The following SLC12A4 variants were observed in gnomAD, a reference collection of about 807,000 sequenced individuals.
SLC12A4 encodes solute carrier family 12 member 4.
Under a neutral mutation model 119.2 loss-of-function variants are expected in SLC12A4, and 84 were observed. The ratio of observed to expected loss-of-function variants is 0.70; its 90% CI spans 0.59 to 0.85. The LOEUF is 0.85. Ranked by LOEUF, SLC12A4 falls within the 40% of genes least tolerant of loss-of-function variation. SLC12A4 has a pLI of 0.00. For missense variants in SLC12A4, 1,298 were observed against 1,476.3 expected (o/e 0.88, Z 1.98); for synonymous variants, 599 against 604.6 (o/e 0.99, Z 0.14).
In SLC12A4 at chr16:67,946,705, T is replaced by C; in HGVS notation, c.2242-72A>G. ...CCTCTGGGCTCCCTCCCAAGGCCCC[T>C]CGGGAACAAAACGACTTTTGGGTGG... is the stretch of plus-strand genomic sequence containing the variant. On this transcript the variant is annotated intron_variant, in intron 17 of 23. Coordinates refer to ENST00000316341, the MANE Select transcript of SLC12A4 (RefSeq NM_005072.5). 6 of 1,523,448 alleles carry C rather than the reference T, an allele frequency of 3.9e-6. No individual in the cohort carries two copies. In the East Asian group the frequency reaches 1.1e-4, roughly 29 times the overall value. The allele number at this position is 1,523,448 out of a possible 1,614,324, so 94.4% of individuals were successfully genotyped here.
intron 5 of SLC12A4, chr16:67,957,513 C>CTT: frequency 1.8e-6 from 1 of 562,922 alleles, no homozygotes. Flanking sequence ...ATACATTGCC[C>CTT]TTTTTTTTTC....
At chr16:67,961,340 G>A (rs2030550981) in intron 3 of SLC12A4, among the ~76,000 whole-genome samples, 1 of 152,312 alleles carries the variant, frequency 6.6e-6, no homozygotes, top group Admixed American at 6.5e-5. Context: ...AGGCAGCTGT[G>A]TCTCCTGCTG....
chr16:67,966,547 G>A (rs72790376), intron 1 of SLC12A4, among the ~76,000 whole-genome samples: 4 of 152,358 alleles, frequency 2.6e-5, no homozygotes, highest in Non-Finnish European at 5.9e-5. Flanking sequence ...CTGTGTACAC[G>A]GACATCTGCC....
chr16:67,948,115 A>C lies in SLC12A4; in HGVS notation c.1793T>G (p.Val598Gly), dbSNP rs1334137035. Reference sequence around the variant, plus strand: ...GTTGGGGGTCCTCAGGAGTGTCTGCACCGCACAGGCGAGGTTCACGAACAG... The same window carrying C: ...GTTGGGGGTCCTCAGGAGTGTCTGCCCCGCACAGGCGAGGTTCACGAACAG... ...CYLFVNLACA[V>G]QTLLRTPNWR... The change falls in exon 14 of 24, where the codon GTG (valine) becomes GGG (glycine). Residue 598 changes from valine to glycine, a missense_variant. Coordinates refer to ENST00000316341, the MANE Select transcript of SLC12A4 (RefSeq NM_005072.5). 4 of 1,613,232 alleles carry C rather than the reference A, an allele frequency of 2.5e-6. No homozygotes were observed.
chr16:67,945,688 C>A, intron 21 of SLC12A4, 76 bp downstream of exon 21: 1 of 1,516,034 alleles, frequency 6.6e-7, no homozygotes. Flanking sequence ...ATTCTGATTC[C>A]TCCGCACCCA....
At chr16:67,953,250 G>A (rs2030043655) in intron 6 of SLC12A4, among the ~76,000 whole-genome samples, 1 of 137,514 alleles carries the variant, frequency 7.3e-6, no homozygotes, top group African/African-American at 2.7e-5. Flanking sequence ...AGCTGGGCGT[G>A]GTGGCATGAG....
At chr16:67,957,523 CT>C in intron 5 of SLC12A4, 3 of 572,104 alleles carry the variant, frequency 5.2e-6, no homozygotes. Flanking sequence ...CTTTTTTTTT[CT>C]TTTTTGGTAT....
At chr16:67,957,850 C>T in intron 4 of SLC12A4, 48 bp downstream of exon 4, 1 of 1,614,056 alleles carries the variant, frequency 6.2e-7, no homozygotes, top group Non-Finnish European at 8.5e-7. Flanking sequence ...TCTGTGGGGG[C>T]AGCCGTGGCC....
chr16:67,947,342 G>A lies in SLC12A4; in HGVS notation c.2061C>T (p.Thr687=). The A allele has an allele frequency of 1.9e-6, 3 of 1,612,030 alleles. No individual in the cohort carries two copies. Among genetic ancestry groups the A allele is most frequent in the Non-Finnish European group, 2.5e-6 (3 of 1,179,548 alleles). The change falls in exon 16 of 24, where the codon ACC becomes ACT. Residue 687 remains threonine (T), a synonymous_variant. Transcript: ENST00000316341. ...TGGCGGGAACTCACCGCCAGTTCTT[G>A]GTGTGAGGAGGCCCCTCCTCCAGCC... The part of the protein sequence containing the change: ...LLRLEEGPPH[T]KNWRPQLLVL...
At chr16:67,955,777 G>A (rs1355945180) in intron 5 of SLC12A4, among the ~76,000 whole-genome samples, 1 of 152,022 alleles carries the variant, frequency 6.6e-6, no homozygotes, top group African/African-American at 2.4e-5. Context: ...TACTCAGGAG[G>A]CTGAGGCAGG....
chr16:67,951,386 G>T lies in SLC12A4; in HGVS notation c.1133-82C>A. 1 of 1,497,090 alleles carries T rather than the reference G, an allele frequency of 6.7e-7. No homozygotes were observed. The highest frequency in any genetic ancestry group is 9.0e-7 in the Non-Finnish European group (1 of 1,109,978). 92.7% of individuals were successfully genotyped at this position (1,497,090 alleles called of 1,614,324 possible). ...GGGCAGCCTAGCCAGAGGCGCAGAT[G>T]CAGGGCAACTTTGGGGACTCAGGGA... On this transcript the variant is annotated intron_variant, in intron 8 of 23. Transcript: ENST00000316341. The surrounding 1 kb of genome is among the most constrained non-coding windows in gnomAD (Gnocchi z 5.2).
chr16:67,961,749 G>T (rs1421420078), intron 2 of SLC12A4, 43 bp from the exon 3 acceptor site: 11 of 1,610,058 alleles, frequency 6.8e-6, no homozygotes, highest in Non-Finnish European at 9.3e-6. Context: ...GGGCCAGGTG[G>T]GTGCCAGCTG....
rs1469590119 is a variant in SLC12A4 at position 67,961,722 on chromosome 16, C to T, written c.211-16G>A. 4 of 1,613,830 alleles carry T rather than the reference C, an allele frequency of 2.5e-6. No individual in the cohort carries two copies. Among genetic ancestry groups the T allele is most frequent in the South Asian group, 2.2e-5 (2 of 91,068 alleles). On this transcript the variant is annotated splice_polypyrimidine_tract_variant and intron_variant, in intron 2 of 23. Coordinates refer to ENST00000316341, the MANE Select transcript of SLC12A4 (RefSeq NM_005072.5). ...CCAGCTCTTCCTGCAAACAGAGCCA[C>T]AGGGCAAGATGGCATTGGGCCAGGT... is the stretch of plus-strand genomic sequence containing the variant.
intron 5 of SLC12A4, among the ~76,000 whole-genome samples, chr16:67,955,026 A>C (rs548524501): frequency 6.6e-6 from 1 of 152,316 alleles, no homozygotes; most frequent in East Asian, 1.9e-4. Flanking sequence ...GAGCAGCTCT[A>C]GTCTGCAGCA....
In SLC12A4 at chr16:67,944,199, TG is replaced by T; in HGVS notation, c.*640del. The T allele has an allele frequency of 6.8e-7, 1 of 1,480,698 alleles. No individual in the cohort carries two copies. The highest frequency in any genetic ancestry group is 9.0e-7 in the Non-Finnish European group (1 of 1,108,482). The allele number at this position is 1,480,698 out of a possible 1,614,324, so 91.7% of individuals were successfully genotyped here. On this transcript the variant is annotated 3_prime_UTR_variant, in exon 24 of 24. Coordinates refer to ENST00000316341, the MANE Select transcript of SLC12A4 (RefSeq NM_005072.5). The surrounding 1 kb of genome is among the most constrained non-coding windows in gnomAD (Gnocchi z 6.6). ...CCTAGGGCCAGTGGGAGGGACGGCC[TG>T]GCCAGTGGGGGTTGTGGCCAGAGAT... is the stretch of plus-strand genomic sequence containing the variant.
chr16:67,961,621 T>A lies in SLC12A4; in HGVS notation c.296A>T (p.His99Leu). 1 of 1,614,146 alleles carries A rather than the reference T, an allele frequency of 6.2e-7. No individual in the cohort carries two copies. The highest frequency in any genetic ancestry group is 1.3e-5 in the African/African-American group (1 of 75,078). The change falls in exon 3 of 24, where the codon CAT (histidine) becomes CTT (leucine). Residue 99 changes from histidine (H) to leucine (L), a missense_variant. Physicochemically the swap from His to Leu is moderately conservative, Grantham distance 99. Coordinates refer to ENST00000316341, the MANE Select transcript of SLC12A4 (RefSeq NM_005072.5). ...GCCCTCCCCACTCTCGGCCTCCTCATGCTCTTTGGCGCCCTGGGTGAGGTT... is the reference window on the plus strand; with the variant it reads ...GCCCTCCCCACTCTCGGCCTCCTCAAGCTCTTTGGCGCCCTGGGTGAGGTT... ...YTNLTQGAKEHEEAESGEGTR... is the reference protein window; with the variant it reads ...YTNLTQGAKELEEAESGEGTR...
Position 67,952,224 on chromosome 16 carries a change from C to A in SLC12A4, c.877G>T (p.Ala293Ser). Reference sequence around the variant, plus strand: ...TCAAATATAGACTTTATGCCCCCAGCATAGATGGAGAGGATGGAGATGATC... The same window carrying A: ...TCAAATATAGACTTTATGCCCCCAGAATAGATGGAGAGGATGGAGATGATC... ...CVIISILSIY[A>S]GGIKSIFDPP... Residue 293 changes from alanine to serine, a missense_variant, in exon 7 of 24, where the codon GCT (alanine) becomes TCT (serine). Transcript: ENST00000316341. 2 of 1,614,100 alleles carry A rather than the reference C, an allele frequency of 1.2e-6. No homozygotes were observed. Among genetic ancestry groups the A allele is most frequent in the Non-Finnish European group, 1.7e-6 (2 of 1,180,030 alleles).
Position 67,943,957 on chromosome 16 carries a change from C to CG in SLC12A4, c.*882dup. ...CCTGGTGGGGGCTTACCGAGGATGACGGGCCGTGTGTGGTTACTGAGCTCA... is the reference window on the plus strand; with the variant it reads ...CCTGGTGGGGGCTTACCGAGGATGACGGGGCCGTGTGTGGTTACTGAGCTCA... On this transcript the variant is annotated 3_prime_UTR_variant, in exon 24 of 24. Coordinates refer to ENST00000316341, the MANE Select transcript of SLC12A4 (RefSeq NM_005072.5). This position sits in a 1 kb window ranked among gnomAD's most constrained non-coding sequence, Gnocchi z 4.6. The CG allele has an allele frequency of 6.5e-7, 1 of 1,546,386 alleles. No individual in the cohort carries two copies.
intron 1 of SLC12A4, chr16:67,964,205 G>T: frequency 9.4e-7 from 1 of 1,063,602 alleles, no homozygotes. Context: ...GGACTGAGCA[G>T]GGAGAAAAAT....
Sources: allele counts gnomAD v4.1 joint callset (sites outside exome capture counted in the v4.1 genomes callset), GRCh38; gene constraint gnomAD v4.1.1; non-coding constraint Gnocchi (gnomAD v3.1); transcripts MANE v1.5; gene names NCBI Gene and HGNC (gene_info 2026-07-23, HGNC 2026-07-21).